CSMD1: variants seen among roughly 807,000 people sequenced by gnomAD.
CSMD1 encodes CUB and Sushi multiple domains 1.
A neutral mutation model predicts 417.5 loss-of-function variants in CSMD1; 213 were observed. The observed-to-expected ratio is 0.51, with a 90% CI of 0.46 to 0.57. CSMD1 has a LOEUF of 0.57. Among genes scored for constraint, CSMD1 ranks in the 20% least tolerant of loss-of-function variants. The pLI, the probability that CSMD1 is intolerant of heterozygous loss-of-function variation, is 0.00. For missense variants in CSMD1, 6,923 were observed against 4,529.7 expected (o/e 1.53, Z -15.17); for synonymous variants, 2,862 against 1,736.8 (o/e 1.65, Z -16.11).
At chr8:4,873,711 C>G (rs1323395621) in intron 1 of CSMD1, among the ~76,000 whole-genome samples, 1 of 151,996 alleles carries the variant, frequency 6.6e-6, no homozygotes, top group East Asian at 1.9e-4. Context: ...CAAACTAAAC[C>G]AATATTTGGC....
At chr8:4,185,124 G>C (rs1225781158) in intron 3 of CSMD1, among the ~76,000 whole-genome samples, 1 of 117,268 alleles carries the variant, frequency 8.5e-6, no homozygotes, top group Non-Finnish European at 1.7e-5. Context: ...GGGCACCTGA[G>C]TGAAATTTTG....
chr8:4,964,404 A>G (rs1396496984), intron 1 of CSMD1, among the ~76,000 whole-genome samples: 2 of 149,444 alleles, frequency 1.3e-5, no homozygotes, highest in African/African-American at 4.9e-5. Context: ...CTGTAGTCCC[A>G]GCTACCTGGG....
intron 10 of CSMD1, among the ~76,000 whole-genome samples, chr8:3,505,291 C>A (rs1796777399): frequency 6.6e-6 from 1 of 152,052 alleles, no homozygotes; most frequent in African/African-American, 2.4e-5. Context: ...CATCAATCAA[C>A]CAAAGATGTG....
chr8:3,359,874 A>G (rs1400488854), intron 20 of CSMD1, among the ~76,000 whole-genome samples: 1 of 152,000 alleles, frequency 6.6e-6, no homozygotes, highest in Non-Finnish European at 1.5e-5. Context: ...AATGTGTACA[A>G]TTATTATGTA....
At chr8:4,452,685 C>A (rs908953584) in intron 2 of CSMD1, among the ~76,000 whole-genome samples, 1 of 152,066 alleles carries the variant, frequency 6.6e-6, no homozygotes, top group African/African-American at 2.4e-5. Flanking sequence ...GAAATAAAGT[C>A]TAAATCCTGA....
At position 4,511,385 on chromosome 8, in the gene CSMD1, C is replaced by T. The variant is rs564062012; in HGVS notation, c.303-91320G>A. On this transcript the variant is annotated intron_variant, in intron 2 of 69. Transcript: ENST00000635120. ...TTCTCCTTCGCAGGAGAATACAAAT[C>T]AGGATTCTTTGCAAACTTGCTGGTT... 3.3e-5 allele frequency among the ~76,000 whole-genome samples: 5 copies of T among 152,298 alleles called. No homozygotes were observed. In the East Asian group the frequency reaches 9.7e-4, roughly 29 times the overall value.
At chr8:4,939,248 T>A (rs1364654319) in intron 1 of CSMD1, among the ~76,000 whole-genome samples, 3 of 152,124 alleles carry the variant, frequency 2.0e-5, no homozygotes, top group Non-Finnish European at 4.4e-5. Context: ...ATATCGAGAT[T>A]CCTCAAAAAA....
chr8:4,130,616 T>C (rs1803040956), intron 3 of CSMD1, among the ~76,000 whole-genome samples: 1 of 151,796 alleles, frequency 6.6e-6, no homozygotes, highest in African/African-American at 2.4e-5. Context: ...TCTTGTCTTC[T>C]ACCATTTAAT....
chr8:3,805,928 C>T (rs180731513), intron 5 of CSMD1, among the ~76,000 whole-genome samples: 1 of 152,156 alleles, frequency 6.6e-6, no homozygotes, highest in Non-Finnish European at 1.5e-5. Context: ...CCAGAAAGCA[C>T]TGACACACCT....
chr8:3,329,234 A>G (rs562060897), intron 23 of CSMD1, among the ~76,000 whole-genome samples: 3 of 152,158 alleles, frequency 2.0e-5, no homozygotes, highest in Non-Finnish European at 2.9e-5. Context: ...CTGAGCTAGG[A>G]AAGTGGTCAT....
chr8:3,796,535 T>C (rs1053139094), intron 5 of CSMD1, among the ~76,000 whole-genome samples: 1 of 144,930 alleles, frequency 6.9e-6, no homozygotes, highest in African/African-American at 2.5e-5. Flanking sequence ...ATCTAAGATA[T>C]ATATCTATAT....
chr8:4,812,755 G>A (rs1436814940), intron 1 of CSMD1, among the ~76,000 whole-genome samples: 2 of 152,138 alleles, frequency 1.3e-5, no homozygotes, highest in East Asian at 1.9e-4. Flanking sequence ...ATCTGGAAAA[G>A]ACCTTGAGTT....
At chr8:4,664,273 T>G (rs1314428915) in intron 1 of CSMD1, among the ~76,000 whole-genome samples, 1 of 152,188 alleles carries the variant, frequency 6.6e-6, no homozygotes, top group Non-Finnish European at 1.5e-5. Flanking sequence ...AGAAGAGATT[T>G]TCAATGCTGG....
At chr8:3,892,025 C>CA (rs200597093) in intron 5 of CSMD1, among the ~76,000 whole-genome samples, 26 of 23,234 alleles carry the variant, frequency 1.1e-3, no homozygotes, top group South Asian at 7.0e-3. Context: ...TAGTCGCAAA[C>CA]AAAAAAAAAA....
At chr8:3,766,936 G>A (rs1209754227) in intron 5 of CSMD1, among the ~76,000 whole-genome samples, 5 of 152,200 alleles carry the variant, frequency 3.3e-5, no homozygotes, top group Admixed American at 6.5e-5. Context: ...CAACGAGTCC[G>A]ACGGCAACAG....
chr8:4,440,206 T>C lies in CSMD1; in HGVS notation c.303-20141A>G, dbSNP rs1036243973. On this transcript the variant is annotated intron_variant, in intron 2 of 69. Coordinates refer to ENST00000635120, the MANE Select transcript of CSMD1 (RefSeq NM_033225.6). ...GTAGAAATCTTTTGATCCAGCAACC[T>C]TTTGAAATATGCCCTACCTATATGT... 4.6e-5 allele frequency among the ~76,000 whole-genome samples: 7 copies of C among 152,204 alleles called. No individual in the cohort carries two copies. In the East Asian group the frequency reaches 1.2e-3, roughly 25 times the overall value.
intron 6 of CSMD1, among the ~76,000 whole-genome samples, chr8:3,718,826 A>G (rs1801982097): frequency 1.3e-5 from 2 of 152,182 alleles, no homozygotes; most frequent in Admixed American, 1.3e-4. Context: ...GTTTTCAGAC[A>G]TAAGCAGGAT....
At chr8:3,636,214 G>T (rs1797037587) in intron 7 of CSMD1, among the ~76,000 whole-genome samples, 1 of 152,162 alleles carries the variant, frequency 6.6e-6, no homozygotes, top group African/African-American at 2.4e-5. Context: ...AAGGTCTTCA[G>T]GAGCAGTAAC....
intron 1 of CSMD1, among the ~76,000 whole-genome samples, chr8:4,715,701 T>C (rs1041859230): frequency 6.6e-6 from 1 of 152,142 alleles, no homozygotes; most frequent in African/African-American, 2.4e-5. Flanking sequence ...GGCGTTCAAC[T>C]CAAACACCAA....
Sources: allele counts gnomAD v4.1 joint callset (sites outside exome capture counted in the v4.1 genomes callset), GRCh38; gene constraint gnomAD v4.1.1; transcripts MANE v1.5; gene names NCBI Gene and HGNC (gene_info 2026-07-23, HGNC 2026-07-21).